FAM53B: variants seen among roughly 807,000 people sequenced by gnomAD.
The protein encoded by FAM53B is family with sequence similarity 53 member B.
In FAM53B, 12 loss-of-function variants were observed where a neutral mutation model predicts 32.7. The observed-to-expected ratio is 0.37, with a 90% CI of 0.24 to 0.59. FAM53B has a LOEUF of 0.59. Ranked by LOEUF, FAM53B falls within the 20% of genes least tolerant of loss-of-function variation. FAM53B has a pLI of 0.72. For missense variants in FAM53B, 477 were observed against 577.7 expected, an observed-to-expected ratio of 0.83 and a Z score of 1.79; for synonymous variants, 234 against 228.7, an observed-to-expected ratio of 1.02 and a Z score of -0.21.
chr10:124,629,520 G>A (rs907646422), intron 4 of FAM53B, among the ~76,000 whole-genome samples: 13 of 152,128 alleles, frequency 8.5e-5, no homozygotes, highest in African/African-American at 3.1e-4. Context: ...GAGCAGAGCT[G>A]GTCCCCAGCC....
chr10:124,632,886 C>CCA (rs1949400595), intron 4 of FAM53B, among the ~76,000 whole-genome samples: 1 of 152,232 alleles, frequency 6.6e-6, no homozygotes. Context: ...ATGGGCTGGA[C>CCA]AGGCCTGGGC....
chr10:124,744,085 C>CCCGCCGCGCGT lies in FAM53B; in HGVS notation c.-258_-248dup, dbSNP rs1249620093. ...AGCGCTCGCCAAGTCGTCCGGGGTGCCCGCCGCGCGTCCGCCGCGCGCACG... is the reference window on the plus strand; with the variant it reads ...AGCGCTCGCCAAGTCGTCCGGGGTGCCCGCCGCGCGTCCGCCGCGCGTCCGCCGCGCGCACG... On this transcript the variant is annotated 5_prime_UTR_variant, in exon 1 of 5. Transcript: ENST00000337318. 3 of 147,296 alleles carry CCCGCCGCGCGT rather than the reference C, an allele frequency of 2.0e-5. No homozygotes were observed. Among genetic ancestry groups the CCCGCCGCGCGT allele is most frequent in the East Asian group, 3.9e-4 (2 of 5,064 alleles). 9.1% of individuals were successfully genotyped at this position (147,296 alleles called of 1,614,324 possible). A position where few individuals can be genotyped will look rare whatever the true frequency, so the allele number is the denominator to read the frequency against.
chr10:124,694,445 C>T (rs889362934), intron 3 of FAM53B, among the ~76,000 whole-genome samples: 4 of 152,224 alleles, frequency 2.6e-5, no homozygotes, highest in African/African-American at 7.2e-5. Context: ...CCTACAAGGG[C>T]GACTCTCTCT....
In FAM53B at chr10:124,620,241, G is replaced by A. The variant is rs1450061039; in HGVS notation, c.*3001C>T. 6.6e-6 allele frequency: 1 copy of A among 152,652 alleles called. No homozygotes were observed. The highest frequency in any genetic ancestry group is 2.4e-5 in the African/African-American group (1 of 41,436). The allele number at this position is 152,652 out of a possible 1,614,324, so 9.5% of individuals were successfully genotyped here. On this transcript the variant is annotated 3_prime_UTR_variant, in exon 5 of 5. Transcript: ENST00000337318. ...GGCCTCCACCGCGAGTAAGGCAAGAGGGTATGGCAACGAAAATGGCAAGGC... is the reference window on the plus strand; with the variant it reads ...GGCCTCCACCGCGAGTAAGGCAAGAAGGTATGGCAACGAAAATGGCAAGGC...
At chr10:124,726,238 T>C (rs1012690183) in intron 1 of FAM53B, among the ~76,000 whole-genome samples, 13 of 152,318 alleles carry the variant, frequency 8.5e-5, no homozygotes, top group African/African-American at 2.9e-4. Context: ...AAGTTGAGTT[T>C]CTTGCAAAAG....
At chr10:124,702,444 T>C (rs1004258953) in intron 2 of FAM53B, among the ~76,000 whole-genome samples, 1 of 152,208 alleles carries the variant, frequency 6.6e-6, no homozygotes, top group Non-Finnish European at 1.5e-5. Context: ...ATGTCATCAC[T>C]AGACTAAGAT....
intron 4 of FAM53B, among the ~76,000 whole-genome samples, chr10:124,624,283 C>G (rs1222820107): frequency 6.6e-6 from 1 of 152,242 alleles, no homozygotes; most frequent in Non-Finnish European, 1.5e-5. Context: ...AGCTGAAGTC[C>G]TGAGCCTGGT....
intron 1 of FAM53B, among the ~76,000 whole-genome samples, chr10:124,735,499 TGA>T (rs749224071): frequency 6.6e-6 from 1 of 152,168 alleles, no homozygotes; most frequent in Non-Finnish European, 1.5e-5. Context: ...CTACGCTATC[TGA>T]GAGAGGAAGA....
rs1950217220 is a variant in FAM53B, at chr10:124,744,013, T to A, written c.-175A>T. The A allele has an allele frequency of 6.8e-6, 1 of 147,624 alleles. No homozygotes were observed. Among genetic ancestry groups the A allele is most frequent in the Non-Finnish European group, 1.5e-5 (1 of 66,312 alleles). 9.1% of individuals were successfully genotyped at this position (147,624 alleles called of 1,614,324 possible). The stretch of plus-strand genomic sequence containing the variant: ...CGCCGCCCGGCCCCGGGTCGCTTAC[T>A]GTGCGCGGCGGGGCGCTCCGGGCGC... On this transcript the variant is annotated splice_region_variant and 5_prime_UTR_variant, in exon 1 of 5. Coordinates refer to ENST00000337318, the MANE Select transcript of FAM53B (RefSeq NM_014661.4).
chr10:124,621,698 A>G lies in FAM53B; in HGVS notation c.*1544T>C, dbSNP rs981084354. On this transcript the variant is annotated 3_prime_UTR_variant, in exon 5 of 5. Coordinates refer to ENST00000337318, the MANE Select transcript of FAM53B (RefSeq NM_014661.4). Reference sequence around the variant, plus strand: ...CAAAAAGCATCTTTCTTGAGGAGAAAGAAGGTGAGAAGCATCTGGACTCAA... The same window carrying G: ...CAAAAAGCATCTTTCTTGAGGAGAAGGAAGGTGAGAAGCATCTGGACTCAA... 28 of 152,222 alleles carry G rather than the reference A, an allele frequency of 1.8e-4. No individual in the cohort carries two copies. Among genetic ancestry groups the G allele is most frequent in the African/African-American group, 6.0e-4 (25 of 41,418 alleles). The allele number at this position is 152,222 out of a possible 1,614,324, so 9.4% of individuals were successfully genotyped here.
Position 124,650,479 on chromosome 10 carries a change from C to T in FAM53B, c.907-26875G>A, listed in dbSNP as rs564172966. Among the ~76,000 whole-genome samples the T allele has an allele frequency of 3.3e-5, 5 of 152,318 alleles. No individual in the cohort carries two copies. In the East Asian group the frequency reaches 7.7e-4, roughly 24 times the overall value. ...GACAGCAGCTGCCATCTGCCAAGCA[C>T]GCACAGTGTGGCCAGATGTGCTAGG... is the stretch of plus-strand genomic sequence containing the variant. On this transcript the variant is annotated intron_variant, in intron 4 of 4. Coordinates refer to ENST00000337318, the MANE Select transcript of FAM53B (RefSeq NM_014661.4).
At chr10:124,661,056 TA>T (rs57830542) in intron 4 of FAM53B, among the ~76,000 whole-genome samples, 39,982 of 130,022 alleles carry the variant, frequency 0.31, 6,015 homozygotes, top group South Asian at 0.38. Context: ...CTACTGAAAT[TA>T]AAAAAAAAAA....
chr10:124,666,705 G>A (rs1949675261), intron 4 of FAM53B, among the ~76,000 whole-genome samples: 1 of 152,250 alleles, frequency 6.6e-6, no homozygotes, highest in Admixed American at 6.5e-5. Flanking sequence ...GGCTGCACGG[G>A]TACAGTAGAA....
chr10:124,687,442 C>T (rs1949809496), intron 3 of FAM53B, among the ~76,000 whole-genome samples: 1 of 152,222 alleles, frequency 6.6e-6, no homozygotes, highest in East Asian at 1.9e-4. Context: ...TTACTCAGTT[C>T]CTCGTAGCTA....
intron 1 of FAM53B, among the ~76,000 whole-genome samples, chr10:124,712,809 C>T (rs903857492): frequency 1.3e-5 from 2 of 152,240 alleles, no homozygotes; most frequent in Non-Finnish European, 2.9e-5. Flanking sequence ...TACTCAATGA[C>T]TCATCTTCAC....
At chr10:124,695,883 A>C (rs566288297) in intron 3 of FAM53B, among the ~76,000 whole-genome samples, 2 of 152,306 alleles carry the variant, frequency 1.3e-5, no homozygotes, top group African/African-American at 4.8e-5. Context: ...CATACTTTAC[A>C]CTATTGTGCA....
chr10:124,716,173 T>G (rs777527709), intron 1 of FAM53B, among the ~76,000 whole-genome samples: 2 of 152,174 alleles, frequency 1.3e-5, no homozygotes, highest in Non-Finnish European at 2.9e-5. Context: ...CAGAGGTGCT[T>G]TCTTCAGTAA....
intron 4 of FAM53B, among the ~76,000 whole-genome samples, chr10:124,624,428 G>C (rs1949332184): frequency 6.6e-6 from 1 of 152,198 alleles, no homozygotes; most frequent in South Asian, 2.1e-4. Context: ...TGCTGAGGAG[G>C]GGCCAGGCTC....
chr10:124,727,324 T>G (rs1950111068), intron 1 of FAM53B, among the ~76,000 whole-genome samples: 2 of 28,576 alleles, frequency 7.0e-5, no homozygotes, highest in Non-Finnish European at 1.3e-4. Flanking sequence ...AGCACCTGAG[T>G]GATTGTGGGG....
Sources: allele counts gnomAD v4.1 joint callset (sites outside exome capture counted in the v4.1 genomes callset), GRCh38; gene constraint gnomAD v4.1.1; transcripts MANE v1.5; gene names NCBI Gene and HGNC (gene_info 2026-07-23, HGNC 2026-07-21).